The following ZNF704 variants were observed in gnomAD, a reference collection of about 807,000 sequenced individuals.
ZNF704 encodes glucocorticoid induced gene 1.
ZNF704 carries 10 observed loss-of-function variants against 44.7 expected under a neutral mutation model. The observed-to-expected ratio is 0.22, with a 90% CI of 0.14 to 0.38. The LOEUF (loss-of-function observed/expected upper bound fraction) is 0.38. Among genes scored for constraint, ZNF704 ranks in the 10% least tolerant of loss-of-function variants. The pLI is 1.00. For synonymous variants in ZNF704, 211 were observed against 207.6 expected, an observed-to-expected ratio of 1.02 and a Z score of -0.14; for missense variants, 390 against 545.5, an observed-to-expected ratio of 0.71 and a Z score of 2.84.
At chr8:80,862,956 C>T (rs911269523) in intron 1 of ZNF704, among the ~76,000 whole-genome samples, 16 of 151,338 alleles carry the variant, frequency 1.1e-4, no homozygotes, top group African/African-American at 3.9e-4. Context: ...TTCAAATGCC[C>T]CCCCTTTCCC....
At chr8:80,786,464 T>C (rs981339996) in intron 2 of ZNF704, among the ~76,000 whole-genome samples, 1 of 152,164 alleles carries the variant, frequency 6.6e-6, no homozygotes, top group Admixed American at 6.5e-5. Context: ...ACAAGGATGT[T>C]TGGTTTGAAA....
intron 7 of ZNF704, among the ~76,000 whole-genome samples, chr8:80,647,725 AG>A (rs979641387): frequency 5.6e-4 from 85 of 152,320 alleles, no homozygotes; most frequent in African/African-American, 1.9e-3. Flanking sequence ...GGATGAATTG[AG>A]GAGTCAAGGA....
intron 2 of ZNF704, among the ~76,000 whole-genome samples, chr8:80,699,403 GA>G (rs60084456): frequency 6.6e-6 from 1 of 150,556 alleles, no homozygotes; most frequent in African/African-American, 2.4e-5. Context: ...GATGGAAAAA[GA>G]AAAAAAAATC....
intron 2 of ZNF704, among the ~76,000 whole-genome samples, chr8:80,743,653 C>CAG (rs1806800281): frequency 6.6e-6 from 1 of 152,184 alleles, no homozygotes; most frequent in African/African-American, 2.4e-5. Context: ...CTGGAGTCTC[C>CAG]ATTCCTTTCT....
At position 80,874,343 on chromosome 8, in the gene ZNF704, G is replaced by A. The variant is rs919836114; in HGVS notation, c.-22+228C>T. On this transcript the variant is annotated intron_variant, in intron 1 of 8. Transcript: ENST00000327835. This position sits in a 1 kb window ranked among gnomAD's most constrained non-coding sequence, Gnocchi z 4.4. Reference sequence around the variant, plus strand: ...GCCTCCGCCGCCGCCGCCGCCGCCCGGGAGCCGCGGGCCGCGCTGCGCTCC... The same window carrying A: ...GCCTCCGCCGCCGCCGCCGCCGCCCAGGAGCCGCGGGCCGCGCTGCGCTCC... Among the ~76,000 whole-genome samples, 3 of 145,266 alleles carry A rather than the reference G, an allele frequency of 2.1e-5. No individual in the cohort carries two copies. Among genetic ancestry groups the A allele is most frequent in the African/African-American group, 7.4e-5 (3 of 40,614 alleles).
intron 1 of ZNF704, among the ~76,000 whole-genome samples, chr8:80,867,138 T>C (rs1012029097): frequency 2.0e-5 from 3 of 152,032 alleles, no homozygotes; most frequent in African/African-American, 7.3e-5. Context: ...CCCAGTGAAA[T>C]GGGGCTCTTT....
chr8:80,750,364 A>AC (rs919496354), intron 2 of ZNF704, among the ~76,000 whole-genome samples: 1 of 151,762 alleles, frequency 6.6e-6, no homozygotes, highest in Non-Finnish European at 1.5e-5. Context: ...CACTAAAAAA[A>AC]AAAGGAGAAA....
In ZNF704 at chr8:80,793,542, AAAGT is replaced by A. The variant is rs1563555415; in HGVS notation, c.221+27828_221+27831del. ...GTACCATGTAAGCCCATTATTTAGA[AAAGT>A]AAGCTGTTTATGTAAAGCATAATAT... On this transcript the variant is annotated intron_variant, in intron 2 of 8. Transcript: ENST00000327835. 1.3e-4 allele frequency among the ~76,000 whole-genome samples: 20 copies of A among 152,228 alleles called. No homozygotes were observed. The South Asian group carries it at 4.1e-3, about 32-fold the overall frequency.
chr8:80,716,117 G>A (rs1819068744), intron 2 of ZNF704, among the ~76,000 whole-genome samples: 1 of 151,866 alleles, frequency 6.6e-6, no homozygotes, highest in Non-Finnish European at 1.5e-5. Flanking sequence ...CTGATTTAGA[G>A]ATGAACAGAT....
chr8:80,774,446 C>T (rs1427500435), intron 2 of ZNF704, among the ~76,000 whole-genome samples: 1 of 152,122 alleles, frequency 6.6e-6, no homozygotes, highest in African/African-American at 2.4e-5. Context: ...CTTGTTACTG[C>T]AAGATGGGGA....
chr8:80,740,487 C>G (rs771370195), intron 2 of ZNF704, among the ~76,000 whole-genome samples: 1 of 152,148 alleles, frequency 6.6e-6, no homozygotes, highest in African/African-American at 2.4e-5. Context: ...AAGCCCAAGG[C>G]CTAGTAAAAC....
At chr8:80,775,442 C>G (rs1193426507) in intron 2 of ZNF704, among the ~76,000 whole-genome samples, 1 of 152,156 alleles carries the variant, frequency 6.6e-6, no homozygotes, top group African/African-American at 2.4e-5. Flanking sequence ...ATGGTGGCAT[C>G]TGAGAAGCCA....
intron 2 of ZNF704, among the ~76,000 whole-genome samples, chr8:80,706,375 G>A (rs930702096): frequency 1.3e-5 from 2 of 151,986 alleles, no homozygotes; most frequent in Non-Finnish European, 2.9e-5. Context: ...AGAAAAAACA[G>A]ATTTTAAAAA....
At chr8:80,875,429 T>C (rs762057555), upstream of ZNF704, among the ~76,000 whole-genome samples, 4 of 152,084 alleles carry the variant, frequency 2.6e-5, no homozygotes, top group Non-Finnish European at 5.9e-5. Context: ...CTCAGCCTCC[T>C]GAGTACCTGG....
intron 2 of ZNF704, among the ~76,000 whole-genome samples, chr8:80,797,553 T>A (rs1476025787): frequency 1.3e-5 from 2 of 152,132 alleles, no homozygotes; most frequent in Admixed American, 1.3e-4. Context: ...GGTTGAGCCA[T>A]ACCTGGTGCC....
intron 2 of ZNF704, among the ~76,000 whole-genome samples, chr8:80,695,039 T>C (rs1031164959): frequency 2.6e-5 from 4 of 152,180 alleles, no homozygotes; most frequent in Admixed American, 1.3e-4. Context: ...CATTTAAAGA[T>C]TTTACAGTAT....
chr8:80,777,302 A>C (rs1807430709), intron 2 of ZNF704, among the ~76,000 whole-genome samples: 1 of 152,204 alleles, frequency 6.6e-6, no homozygotes, highest in African/African-American at 2.4e-5. Flanking sequence ...CAGAAATAGT[A>C]TAAAGTTAAT....
intron 2 of ZNF704, among the ~76,000 whole-genome samples, chr8:80,746,785 T>G (rs1806852473): frequency 6.6e-6 from 1 of 151,730 alleles, no homozygotes; most frequent in Non-Finnish European, 1.5e-5. Context: ...GTCTCAGGAG[T>G]GAGTCAAAGA....
chr8:80,770,965 T>C lies in ZNF704; in HGVS notation c.221+50409A>G, dbSNP rs963745003. Among the ~76,000 whole-genome samples, 9 of 152,188 alleles carry C rather than the reference T, an allele frequency of 5.9e-5. No homozygotes were observed. The East Asian group carries it at 1.5e-3, about 26-fold the overall frequency. On this transcript the variant is annotated intron_variant, in intron 2 of 8. Transcript: ENST00000327835. ...TATCCAATTGCTTCTCCACCATTTG[T>C]TGTGAAAGATAACCTTTCTTGCACT... is the stretch of plus-strand genomic sequence containing the variant.
Sources: allele counts gnomAD v4.1 joint callset (sites outside exome capture counted in the v4.1 genomes callset), GRCh38; gene constraint gnomAD v4.1.1; non-coding constraint Gnocchi (gnomAD v3.1); transcripts MANE v1.5; gene names NCBI Gene and HGNC (gene_info 2026-07-23, HGNC 2026-07-21).